DGKD: variants seen among roughly 807,000 people sequenced by gnomAD.
DGKD encodes the protein DAG kinase delta.
In DGKD, 68 loss-of-function variants were observed where a neutral mutation model predicts 154.4. The ratio of observed to expected loss-of-function variants is 0.44; its 90% CI spans 0.36 to 0.54. The LOEUF is 0.54. Ranked by LOEUF, DGKD falls within the 20% of genes least tolerant of loss-of-function variation. The pLI is 0.00. For missense variants in DGKD, 1,343 were observed against 1,593.6 expected (o/e 0.84, Z 2.68); for synonymous variants, 693 against 638.0 (o/e 1.09, Z -1.30).
intron 3 of DGKD, among the ~76,000 whole-genome samples, chr2:233,429,949 A>C (rs2062454627): frequency 6.6e-6 from 1 of 152,222 alleles, no homozygotes; most frequent in South Asian, 2.1e-4. Flanking sequence ...TCTCCCTGTA[A>C]AGCACTTTCT....
At chr2:233,385,527 A>G (rs1173222111) in intron 1 of DGKD, among the ~76,000 whole-genome samples, 1 of 152,148 alleles carries the variant, frequency 6.6e-6, no homozygotes, top group Non-Finnish European at 1.5e-5. Context: ...TTGTTTGTGC[A>G]TAGAACCCAA....
chr2:233,355,207 C>G (rs1002077018), intron 1 of DGKD, among the ~76,000 whole-genome samples: 1 of 152,158 alleles, frequency 6.6e-6, no homozygotes, highest in African/African-American at 2.4e-5. Context: ...CCCTTCATCC[C>G]AAAAGGGAAG....
rs202033164 is a variant in DGKD at position 233,449,417 on chromosome 2, G to C, written c.1888+41G>C. On this transcript the variant is annotated intron_variant, in intron 15 of 29. Transcript: ENST00000264057. This position sits in a 1 kb window ranked among gnomAD's most constrained non-coding sequence, Gnocchi z 5.3. Reference sequence around the variant, plus strand: ...ATGAGGAGGGGCTTTCCTCAGGCCAGCACTGGGCATGCCCAGCGTCCCCTG... The same window carrying C: ...ATGAGGAGGGGCTTTCCTCAGGCCACCACTGGGCATGCCCAGCGTCCCCTG... 6.3e-4 allele frequency: 978 copies of C among 1,562,140 alleles called. No individual in the cohort carries two copies. Among genetic ancestry groups the C allele is most frequent in the Non-Finnish European group, 7.9e-4 (910 of 1,147,482 alleles).
chr2:233,461,494 C>T (rs1202285639), intron 24 of DGKD, among the ~76,000 whole-genome samples: 1 of 152,260 alleles, frequency 6.6e-6, no homozygotes, highest in African/African-American at 2.4e-5. Context: ...CCTGGCGCTG[C>T]ATTCTCTGCC....
intron 3 of DGKD, among the ~76,000 whole-genome samples, chr2:233,412,245 C>T (rs2061847406): frequency 6.6e-6 from 1 of 152,114 alleles, no homozygotes. Context: ...TTGAGTTTTC[C>T]AGTACATTAA....
chr2:233,393,216 C>T (rs1575029733), intron 3 of DGKD, among the ~76,000 whole-genome samples: 4 of 151,836 alleles, frequency 2.6e-5, no homozygotes, highest in Non-Finnish European at 2.9e-5. Flanking sequence ...CAGTTAGAGA[C>T]GGGGTTTCGC....
chr2:233,463,584 T>A (rs1028094702), intron 26 of DGKD, among the ~76,000 whole-genome samples: 3 of 140,198 alleles, frequency 2.1e-5, no homozygotes, highest in African/African-American at 8.3e-5. Context: ...TCCACGCATC[T>A]CCTCACTCCA....
chr2:233,450,034 C>T lies in DGKD; in HGVS notation c.1941C>T (p.Gly647=). ...AGGAGCAGGAGGGCTTCGTCCTGGG[C>T]CTCTCTGAGTCAGAGGAGAAGATGG... is the stretch of plus-strand genomic sequence containing the variant. ...QTQEQEGFVL[G]LSESEEKMDH... Residue 647 remains glycine, a synonymous_variant, in exon 16 of 30, where the codon GGC becomes GGT. Coordinates refer to ENST00000264057, the MANE Select transcript of DGKD (RefSeq NM_152879.3). 6.2e-7 allele frequency: 1 copy of T among 1,613,814 alleles called. No homozygotes were observed. Among genetic ancestry groups the T allele is most frequent in the Non-Finnish European group, 8.5e-7 (1 of 1,179,880 alleles).
chr2:233,420,187 G>A (rs998880671), intron 3 of DGKD, among the ~76,000 whole-genome samples: 3 of 152,166 alleles, frequency 2.0e-5, no homozygotes, highest in Admixed American at 2.0e-4. Flanking sequence ...GCGCTCAGGA[G>A]ATTCCCCTCC....
rs1575188178 is a variant in DGKD at position 233,469,707 on chromosome 2, G to A, written c.*247G>A. The A allele has an allele frequency of 2.0e-6, 1 of 511,222 alleles. No homozygotes were observed. Among genetic ancestry groups the A allele is most frequent in the Non-Finnish European group, 3.5e-6 (1 of 283,784 alleles). 31.7% of individuals were successfully genotyped at this position (511,222 alleles called of 1,614,324 possible). Reference sequence around the variant, plus strand: ...GAAACAACACTTTCTCCAGCTCAGAGTCACCTGGGGCACATGTGTCACGGC... The same window carrying A: ...GAAACAACACTTTCTCCAGCTCAGAATCACCTGGGGCACATGTGTCACGGC... On this transcript the variant is annotated 3_prime_UTR_variant, in exon 30 of 30. Coordinates refer to ENST00000264057, the MANE Select transcript of DGKD (RefSeq NM_152879.3).
chr2:233,400,664 G>A (rs1275264402), intron 3 of DGKD, among the ~76,000 whole-genome samples: 2 of 152,170 alleles, frequency 1.3e-5, no homozygotes, highest in Non-Finnish European at 2.9e-5. Context: ...GGGTGGTGGA[G>A]TGTGCAGACC....
chr2:233,444,903 G>A lies in DGKD; in HGVS notation c.1195-720G>A, dbSNP rs1263999730. Among the ~76,000 whole-genome samples, 9 of 151,902 alleles carry A rather than the reference G, an allele frequency of 5.9e-5. No homozygotes were observed. The East Asian group carries it at 1.6e-3, about 26-fold the overall frequency. On this transcript the variant is annotated intron_variant, in intron 10 of 29. Coordinates refer to ENST00000264057, the MANE Select transcript of DGKD (RefSeq NM_152879.3). ...CAGCCTTCATGGCCCTGGTCACTCT[G>A]TTGTCAGAGTCAAAGGCTGGTGAGC...
chr2:233,395,050 A>G (rs1703917634), intron 3 of DGKD, among the ~76,000 whole-genome samples: 1 of 152,068 alleles, frequency 6.6e-6, no homozygotes, highest in African/African-American at 2.4e-5. Context: ...GTCTTATTTT[A>G]GTCAGAAACC....
At chr2:233,420,927 G>C (rs554282207) in intron 3 of DGKD, among the ~76,000 whole-genome samples, 1 of 152,294 alleles carries the variant, frequency 6.6e-6, no homozygotes, top group South Asian at 2.1e-4. Context: ...ACATGGGCAA[G>C]AGTTTCTCTA....
Position 233,448,101 on chromosome 2 carries a change from C to T in DGKD, c.1434C>T (p.Leu478=), listed in dbSNP as rs1354904711. 4 of 1,613,982 alleles carry T rather than the reference C, an allele frequency of 2.5e-6. No homozygotes were observed. Among genetic ancestry groups the T allele is most frequent in the East Asian group, 2.2e-5 (1 of 44,884 alleles). ...GGTGATTGCAGGTACAGCAGATTCTCTTCTATGAAGACTCGGTTGCAGCCC... is the reference window on the plus strand; with the variant it reads ...GGTGATTGCAGGTACAGCAGATTCTTTTCTATGAAGACTCGGTTGCAGCCC... ...FSEDSEVQQI[L]FYEDSVAAHL... Residue 478 remains leucine (L), a synonymous_variant, in exon 13 of 30, where the codon CTC becomes CTT. Coordinates refer to ENST00000264057, the MANE Select transcript of DGKD (RefSeq NM_152879.3).
Position 233,457,129 on chromosome 2 carries a change from C to A in DGKD, c.2473-92C>A. Reference sequence around the variant, plus strand: ...TGGGGATGCCCTGGCCACGGCTGTGCTCCTGAGCCCCTGGCGGTGGGAAGC... The same window carrying A: ...TGGGGATGCCCTGGCCACGGCTGTGATCCTGAGCCCCTGGCGGTGGGAAGC... On this transcript the variant is annotated intron_variant, in intron 20 of 29. Coordinates refer to ENST00000264057, the MANE Select transcript of DGKD (RefSeq NM_152879.3). The surrounding 1 kb of genome is among the most constrained non-coding windows in gnomAD (Gnocchi z 5.5). 7.6e-7 allele frequency: 1 copy of A among 1,310,978 alleles called. No individual in the cohort carries two copies. The highest frequency in any genetic ancestry group is 1.1e-6 in the Non-Finnish European group (1 of 931,908). The allele number at this position is 1,310,978 out of a possible 1,614,324, so 81.2% of individuals were successfully genotyped here.
chr2:233,435,583 C>T (rs1223749937), intron 5 of DGKD, among the ~76,000 whole-genome samples: 2 of 152,200 alleles, frequency 1.3e-5, no homozygotes, highest in East Asian at 1.9e-4. Flanking sequence ...AGAGTCTCCA[C>T]TGCTCACTCT....
rs143748527 is a variant in DGKD at position 233,376,941 on chromosome 2, C to T, written c.157-11316C>T. Among the ~76,000 whole-genome samples the T allele has an allele frequency of 3.2e-3, 481 of 152,136 alleles. 1 individual carries two copies. Among genetic ancestry groups the T allele is most frequent in the African/African-American group, 0.011 (447 of 41,482 alleles). On this transcript the variant is annotated intron_variant, in intron 1 of 29. Coordinates refer to ENST00000264057, the MANE Select transcript of DGKD (RefSeq NM_152879.3). ...CCCTGTTCCCTTTCCCTAGAGGTAACCACTTAACCATTTTTATTATTATTT... is the reference window on the plus strand; with the variant it reads ...CCCTGTTCCCTTTCCCTAGAGGTAATCACTTAACCATTTTTATTATTATTT...
At chr2:233,356,425 A>G (rs1306120100) in intron 1 of DGKD, among the ~76,000 whole-genome samples, 3 of 152,186 alleles carry the variant, frequency 2.0e-5, no homozygotes, top group Non-Finnish European at 2.9e-5. Context: ...AGATCTCCAC[A>G]TAGCCCTAAA....
Sources: gnomAD v4.1 joint callset for allele counts (sites outside exome capture counted in the v4.1 genomes callset) on GRCh38, gnomAD v4.1.1 for gene constraint, Gnocchi (gnomAD v3.1) non-coding constraint, MANE v1.5 for transcripts, NCBI Gene and HGNC (gene_info 2026-07-23, HGNC 2026-07-21) for gene names.